Variants in GABRD observed in about 807,000 individuals in gnomAD.
GABRD encodes gamma-aminobutyric acid receptor subunit delta.
GABRD carries 25 observed loss-of-function variants against 47.3 expected under a neutral mutation model. The ratio of observed to expected loss-of-function variants is 0.53; its 90% CI spans 0.39 to 0.74. The LOEUF (loss-of-function observed/expected upper bound fraction) is 0.74, where lower values mean the gene tolerates loss of function less well. Among genes scored for constraint, GABRD ranks in the 30% least tolerant of loss-of-function variants. GABRD has a pLI of 0.00. For synonymous variants in GABRD, 314 were observed against 278.8 expected (o/e 1.13, Z -1.26); for missense variants, 497 against 643.4 (o/e 0.77, Z 2.46).
In GABRD at chr1:2,027,590, G is replaced by A; in HGVS notation, c.484G>A (p.Val162Met). ...ILYSIRITSTVACDMDLAKYP... is the reference protein window; with the variant it reads ...ILYSIRITSTMACDMDLAKYP... Reference sequence around the variant, plus strand: ...TTGTCTTGGCAGAATCACCTCCACTGTGGCCTGCGACATGGACCTGGCCAA... The same window carrying A: ...TTGTCTTGGCAGAATCACCTCCACTATGGCCTGCGACATGGACCTGGCCAA... The change falls in exon 5 of 9, where the codon GTG becomes ATG. Residue 162 changes from valine to methionine, a missense_variant. Val to Met is a conservative substitution (Grantham distance 21). Around this residue, in one of 3 missense-constraint regions of GABRD, gnomAD observed 285 missense variants for 436.6 expected, o/e 0.65. Transcript: ENST00000378585. 5 of 1,613,572 alleles carry A rather than the reference G, an allele frequency of 3.1e-6. No individual in the cohort carries two copies. The highest frequency in any genetic ancestry group is 4.2e-6 in the Non-Finnish European group (5 of 1,179,800).
At chr1:2,029,396 C>A in intron 7 of GABRD, 130 bp downstream of exon 7, 1 of 1,224,430 alleles carries the variant, frequency 8.2e-7, no homozygotes, top group Non-Finnish European at 1.1e-6. Flanking sequence ...AGTGGCCAGC[C>A]GGGCCAGGCC....
At position 2,025,515 on chromosome 1, in the gene GABRD, C is replaced by T. The variant is rs773525730; in HGVS notation, c.250-3C>T. The T allele has an allele frequency of 8.1e-6, 13 of 1,612,804 alleles. No homozygotes were observed. Among genetic ancestry groups the T allele is most frequent in the African/African-American group, 2.7e-5 (2 of 74,950 alleles). Reference sequence around the variant, plus strand: ...ACCCCCGGCCCCTGTGCCACCTCCACAGGAGTACACCATGACGGTGTTCCT... The same window carrying T: ...ACCCCCGGCCCCTGTGCCACCTCCATAGGAGTACACCATGACGGTGTTCCT... On this transcript the variant is annotated splice_region_variant and splice_polypyrimidine_tract_variant and intron_variant, in intron 3 of 8. Transcript: ENST00000378585.
chr1:2,021,839 G>A (rs916787763), intron 1 of GABRD, among the ~76,000 whole-genome samples: 111 of 152,322 alleles, frequency 7.3e-4, no homozygotes, highest in African/African-American at 2.5e-3. Context: ...GGTGTGCGCC[G>A]TGGAGAAGCC....
rs111274052 is a variant in GABRD, at chr1:2,024,333, C to T, written c.69-609C>T. The T allele has an allele frequency of 4.0e-3, 607 of 152,440 alleles. 5 individuals carry two copies. Among genetic ancestry groups the T allele is most frequent in the African/African-American group, 0.011 (470 of 41,564 alleles). 9.4% of individuals were successfully genotyped at this position (152,440 alleles called of 1,614,324 possible). A position where few individuals can be genotyped will look rare whatever the true frequency, so the allele number is the denominator to read the frequency against. ...CCCTGCTGTCTACCCCGAGCTGCTC[C>T]GAGGTTGAGCTAAACCACAGAAGCA... On this transcript the variant is annotated intron_variant, in intron 1 of 8. Transcript: ENST00000378585.
At chr1:2,023,936 TC>T (rs1658851949) in intron 1 of GABRD, 1 of 152,108 alleles carries the variant, frequency 6.6e-6, no homozygotes, top group Non-Finnish European at 1.5e-5. Context: ...GGAACCTCCG[TC>T]CCTGGCCTGT....
At chr1:2,022,644 C>T (rs951552550) in intron 1 of GABRD, among the ~76,000 whole-genome samples, 1 of 152,266 alleles carries the variant, frequency 6.6e-6, no homozygotes, top group Non-Finnish European at 1.5e-5. Flanking sequence ...CCTTTGCGTC[C>T]GACCTTCAAG....
At position 2,030,293 on chromosome 1, in the gene GABRD, C is replaced by T. The variant is rs1174246241; in HGVS notation, c.*11C>T. 1 of 1,504,294 alleles carries T rather than the reference C, an allele frequency of 6.6e-7. No individual in the cohort carries two copies. The highest frequency in any genetic ancestry group is 1.3e-5 in the South Asian group (1 of 75,422). 93.2% of individuals were successfully genotyped at this position (1,504,294 alleles called of 1,614,324 possible). A position where few individuals can be genotyped will look rare whatever the true frequency, so the allele number is the denominator to read the frequency against. ...GCATACGCCATGTGAGCACAGGACTCAGGCCACCCTCGCTTGTCCTGGCGC... is the reference window on the plus strand; with the variant it reads ...GCATACGCCATGTGAGCACAGGACTTAGGCCACCCTCGCTTGTCCTGGCGC... On this transcript the variant is annotated 3_prime_UTR_variant, in exon 9 of 9. Coordinates refer to ENST00000378585, the MANE Select transcript of GABRD (RefSeq NM_000815.5).
intron 1 of GABRD, 108 bp downstream of exon 1, chr1:2,019,599 C>A: frequency 1.6e-6 from 1 of 634,680 alleles, no homozygotes; most frequent in South Asian, 7.3e-5. Flanking sequence ...GGCCCCGGAC[C>A]CCAAGTCTGA....
chr1:2,020,627 G>T (rs1017122635), intron 1 of GABRD, among the ~76,000 whole-genome samples: 1 of 152,132 alleles, frequency 6.6e-6, no homozygotes, highest in African/African-American at 2.4e-5. Context: ...AATCCCAGTG[G>T]GCCTTTCTCC....
Position 2,028,967 on chromosome 1 carries a change from T to G in GABRD, c.692-144T>G. 3.6e-5 allele frequency: 35 copies of G among 982,610 alleles called. No homozygotes were observed. Among genetic ancestry groups the G allele is most frequent in the Non-Finnish European group, 4.9e-5 (33 of 677,772 alleles). 60.9% of individuals were successfully genotyped at this position (982,610 alleles called of 1,614,324 possible). ...GGAGGCCCCCTGACATTTCAGGCCA[T>G]GTGGTTGGTGGGGAGGGCAGGGGTC... is the stretch of plus-strand genomic sequence containing the variant. On this transcript the variant is annotated intron_variant, in intron 6 of 8. Coordinates refer to ENST00000378585, the MANE Select transcript of GABRD (RefSeq NM_000815.5). The surrounding 1 kb of genome is among the most constrained non-coding windows in gnomAD (Gnocchi z 6.4).
intron 1 of GABRD, among the ~76,000 whole-genome samples, chr1:2,020,089 T>G (rs2102141513): frequency 6.6e-6 from 1 of 152,272 alleles, no homozygotes; most frequent in East Asian, 1.9e-4. Context: ...CAGGTGCCCC[T>G]GGCCACAGAA....
chr1:2,025,399 A>G lies in GABRD; in HGVS notation c.247A>G (p.Met83Val). The part of the protein sequence containing the change: ...ASIDHISEAN[M>V]EYTMTVFLHQ... Reference sequence around the variant, plus strand: ...CATCGACCACATCTCAGAGGCCAACATGGTAGGTGCCACCAGCCTCTGCCT... The same window carrying G: ...CATCGACCACATCTCAGAGGCCAACGTGGTAGGTGCCACCAGCCTCTGCCT... Residue 83 changes from methionine to valine, a missense_variant and splice_region_variant, in exon 3 of 9, where the codon ATG (methionine) becomes GTG (valine). Met to Val is a conservative substitution (Grantham distance 21). Coordinates refer to ENST00000378585, the MANE Select transcript of GABRD (RefSeq NM_000815.5). 6.2e-7 allele frequency: 1 copy of G among 1,612,868 alleles called. No individual in the cohort carries two copies. The highest frequency in any genetic ancestry group is 8.5e-7 in the Non-Finnish European group (1 of 1,179,960).
chr1:2,022,871 G>C (rs1401453588), intron 1 of GABRD, among the ~76,000 whole-genome samples: 1 of 152,206 alleles, frequency 6.6e-6, no homozygotes, highest in African/African-American at 2.4e-5. Context: ...GGACAGATTG[G>C]GGTTGGCAGA....
At position 2,030,068 on chromosome 1, in the gene GABRD, G is replaced by A. The variant is rs771493470; in HGVS notation, c.1145G>A (p.Arg382His). 1.2e-5 allele frequency: 20 copies of A among 1,609,436 alleles called. No individual in the cohort carries two copies. Among genetic ancestry groups the A allele is most frequent in the Middle Eastern group, 1.6e-4 (1 of 6,068 alleles). ...CTGGCCATCTCCCGCCGGCAGCGCCGCGTCCCGGGGAACCTGATGGGCTCC... is the reference window on the plus strand; with the variant it reads ...CTGGCCATCTCCCGCCGGCAGCGCCACGTCCCGGGGAACCTGATGGGCTCC... ...QELAISRRQR[R>H]VPGNLMGSYR... The change falls in exon 9 of 9, where the codon CGC (arginine) becomes CAC (histidine). Residue 382 changes from arginine (R) to histidine (H), a missense_variant. Arg to His is a conservative substitution (Grantham distance 29, BLOSUM62 0). This residue lies in a region of GABRD where 121 missense variants were observed against 121.3 expected (regional missense o/e 1.00). Transcript: ENST00000378585.
intron 2 of GABRD, 83 bp downstream of exon 2, chr1:2,025,137 C>A: frequency 7.4e-7 from 1 of 1,350,366 alleles, no homozygotes; most frequent in Non-Finnish European, 1.0e-6. Flanking sequence ...GGGCTGTAGG[C>A]TGGCCTCTAG....
At chr1:2,021,956 C>T (rs1658791434) in intron 1 of GABRD, among the ~76,000 whole-genome samples, 1 of 152,126 alleles carries the variant, frequency 6.6e-6, no homozygotes. Context: ...GGGCAGGAGG[C>T]CAGGTGACCC....
intron 7 of GABRD, 62 bp from the exon 8 acceptor site, chr1:2,029,489 A>G (rs1026792771): frequency 1.3e-6 from 2 of 1,596,558 alleles, no homozygotes; most frequent in Non-Finnish European, 1.7e-6. Flanking sequence ...CACAGGCATC[A>G]AGGCTGGGAT....
At chr1:2,023,787 C>T (rs1034776857) in intron 1 of GABRD, 1 of 152,274 alleles carries the variant, frequency 6.6e-6, no homozygotes, top group Admixed American at 6.5e-5. Context: ...AATCCCCATC[C>T]TGTGTGCAGG....
chr1:2,025,303 A>G (rs986189043), intron 2 of GABRD, 31 bp from the exon 3 acceptor site: 2 of 1,612,278 alleles, frequency 1.2e-6, no homozygotes, highest in South Asian at 2.2e-5. Context: ...GGCCGGCCTC[A>G]GTCCTTCTTA....
Sources: gnomAD v4.1 joint callset for allele counts (sites outside exome capture counted in the v4.1 genomes callset) on GRCh38, gnomAD v4.1.1 for gene constraint, gnomAD v4.1.1 regional missense constraint, Gnocchi (gnomAD v3.1) non-coding constraint, MANE v1.5 for transcripts, NCBI Gene and HGNC (gene_info 2026-07-23, HGNC 2026-07-21) for gene names.